Variants in SPTLC2 observed in about 807,000 individuals in gnomAD.
The protein encoded by SPTLC2 is serine palmitoyltransferase 2.
SPTLC2 carries 21 observed loss-of-function variants against 62.0 expected under a neutral mutation model. That is an observed-to-expected ratio of 0.34 (90% CI 0.24 to 0.49). SPTLC2 has a LOEUF of 0.49. Ranked by LOEUF, SPTLC2 falls within the 20% of genes least tolerant of loss-of-function variation. SPTLC2 has a pLI of 0.99. For synonymous variants in SPTLC2, 261 were observed against 261.8 expected (o/e 1.00, Z 0.03); for missense variants, 511 against 713.0 (o/e 0.72, Z 3.23).
chr14:77,526,570 G>A (rs904638804), intron 9 of SPTLC2, among the ~76,000 whole-genome samples: 1 of 152,068 alleles, frequency 6.6e-6, no homozygotes, highest in Non-Finnish European at 1.5e-5. Context: ...CTTCAATATG[G>A]TTTGTTAGAA....
intron 9 of SPTLC2, among the ~76,000 whole-genome samples, chr14:77,543,006 A>G (rs1334623006): frequency 2.0e-5 from 3 of 152,150 alleles, no homozygotes; most frequent in African/African-American, 7.2e-5. Flanking sequence ...AAATCAAGGA[A>G]CTGAGTTTTA....
chr14:77,590,124 G>C (rs182565254), intron 2 of SPTLC2, among the ~76,000 whole-genome samples: 129 of 152,200 alleles, frequency 8.5e-4, no homozygotes, highest in Non-Finnish European at 1.5e-3. Context: ...TATGGGTGTA[G>C]GCCACCACAC....
chr14:77,511,828 C>G lies in SPTLC2; in HGVS notation c.*456G>C, dbSNP rs560247530. Reference sequence around the variant, plus strand: ...AAGGTTGGCCTTGAGACCTCTGAGACCTGGATGGGAAGTAAGTGGAAGGCA... The same window carrying G: ...AAGGTTGGCCTTGAGACCTCTGAGAGCTGGATGGGAAGTAAGTGGAAGGCA... On this transcript the variant is annotated 3_prime_UTR_variant, in exon 12 of 12. Transcript: ENST00000216484. 1 of 208,512 alleles carries G rather than the reference C, an allele frequency of 4.8e-6. No homozygotes were observed. Among genetic ancestry groups the G allele is most frequent in the Admixed American group, 5.3e-5 (1 of 18,950 alleles). 12.9% of individuals were successfully genotyped at this position (208,512 alleles called of 1,614,324 possible). A position where few individuals can be genotyped will look rare whatever the true frequency, so the allele number is the denominator to read the frequency against.
Position 77,523,520 on chromosome 14 carries a change from TC to T in SPTLC2, c.1304-1940del, listed in dbSNP as rs2079394725. On this transcript the variant is annotated intron_variant, in intron 9 of 11. Transcript: ENST00000216484. ...AGAGCTTTAGAGATCTGCTGAAGGG[TC>T]CCTTTGAACTTTGGGAAGGGTACTG... is the stretch of plus-strand genomic sequence containing the variant. Among the ~76,000 whole-genome samples, 3 of 152,150 alleles carry T rather than the reference TC, an allele frequency of 2.0e-5. No homozygotes were observed. The South Asian group carries it at 6.2e-4, about 32-fold the overall frequency.
intron 8 of SPTLC2, chr14:77,555,050 A>G (rs2079575261): frequency 3.9e-6 from 2 of 507,396 alleles, no homozygotes; most frequent in Non-Finnish European, 7.2e-6. Context: ...CTTTCACACA[A>G]GAGGGTATTC....
rs542862809 is a variant in SPTLC2 at position 77,573,880 on chromosome 14, C to T, written c.631+2887G>A. Among the ~76,000 whole-genome samples, 7 of 152,278 alleles carry T rather than the reference C, an allele frequency of 4.6e-5. No homozygotes were observed. In the South Asian group the frequency reaches 8.3e-4, roughly 18 times the overall value. ...CTCCTGACCTCAAGTGATCTGCCCG[C>T]CTTGGCCTCCCAAAGTGCTGAGATG... On this transcript the variant is annotated intron_variant, in intron 4 of 11. Transcript: ENST00000216484.
intron 9 of SPTLC2, among the ~76,000 whole-genome samples, chr14:77,528,532 C>A (rs1244175952): frequency 1.3e-5 from 2 of 151,810 alleles, no homozygotes; most frequent in Admixed American, 6.6e-5. Context: ...CGCCCAGCCC[C>A]CCCTTTTCTT....
intron 11 of SPTLC2, among the ~76,000 whole-genome samples, chr14:77,515,394 T>C (rs2139991278): frequency 6.6e-6 from 1 of 152,242 alleles, no homozygotes; most frequent in South Asian, 2.1e-4. Flanking sequence ...ATCTTAACAA[T>C]ATTAAATCTT....
At chr14:77,524,560 CTA>C (rs1420278094) in intron 9 of SPTLC2, among the ~76,000 whole-genome samples, 2 of 152,118 alleles carry the variant, frequency 1.3e-5, no homozygotes, top group Non-Finnish European at 2.9e-5. Context: ...GTGTGCACAG[CTA>C]TGTTTACTAC....
At chr14:77,552,301 T>G in intron 8 of SPTLC2, 79 bp from the exon 9 acceptor site, 1 of 1,534,400 alleles carries the variant, frequency 6.5e-7, no homozygotes, top group Non-Finnish European at 8.9e-7. Flanking sequence ...TTCTAAGTTC[T>G]AGAGGACTCC....
intron 4 of SPTLC2, among the ~76,000 whole-genome samples, chr14:77,572,036 C>T (rs979432484): frequency 6.6e-6 from 1 of 152,204 alleles, no homozygotes; most frequent in Non-Finnish European, 1.5e-5. Context: ...GATCCACCCA[C>T]CTTGGCCTCC....
chr14:77,609,849 C>T (rs1184515569), intron 1 of SPTLC2, among the ~76,000 whole-genome samples: 1 of 152,146 alleles, frequency 6.6e-6, no homozygotes, highest in Non-Finnish European at 1.5e-5. Context: ...CATGTCCTGC[C>T]AGCCTGGGTA....
chr14:77,512,370 A>G lies in SPTLC2; in HGVS notation c.1603T>C (p.Leu535=), dbSNP rs34017190. The G allele has an allele frequency of 8.3e-5, 134 of 1,614,234 alleles. No individual in the cohort carries two copies. The African/African-American group carries it at 1.7e-3, about 21-fold the overall frequency. ...CGATGACGGGAATACTTCAGCTGCA[A>G]TAGGTCCCCAACTTCATCTATCTCC... ...LKEIDEVGDL[L]QLKYSRHRLV... is the part of the protein sequence containing the mutation. Residue 535 remains leucine (L), a synonymous_variant, in exon 12 of 12, where the codon TTG becomes CTG. Transcript: ENST00000216484.
At chr14:77,542,508 T>A (rs2079506792) in intron 9 of SPTLC2, among the ~76,000 whole-genome samples, 1 of 152,170 alleles carries the variant, frequency 6.6e-6, no homozygotes, top group Non-Finnish European at 1.5e-5. Flanking sequence ...AAGAGTTCAG[T>A]AATTTTCTAA....
chr14:77,578,716 T>C (rs985446797), intron 3 of SPTLC2: 2 of 412,282 alleles, frequency 4.9e-6, no homozygotes, highest in South Asian at 2.2e-5. Flanking sequence ...CGAAACTCCA[T>C]CTCAAAAAAT....
intron 5 of SPTLC2, among the ~76,000 whole-genome samples, chr14:77,566,539 C>T (rs772142042): frequency 1.3e-5 from 2 of 152,194 alleles, no homozygotes; most frequent in Non-Finnish European, 2.9e-5. Context: ...AATCTCGGCT[C>T]ACTGCAAGCT....
At chr14:77,538,333 C>G (rs2079481478) in intron 9 of SPTLC2, among the ~76,000 whole-genome samples, 1 of 152,128 alleles carries the variant, frequency 6.6e-6, no homozygotes. Context: ...TCATGCACAC[C>G]CCATCATAAT....
At chr14:77,595,073 A>C (rs953821861) in intron 2 of SPTLC2, among the ~76,000 whole-genome samples, 6 of 152,132 alleles carry the variant, frequency 3.9e-5, no homozygotes, top group Non-Finnish European at 7.4e-5. Flanking sequence ...AAAACGTATT[A>C]AAAATGTGGG....
chr14:77,521,510 T>G lies in SPTLC2; in HGVS notation c.1375A>C (p.Ile459Leu). Residue 459 changes from isoleucine to leucine, a missense_variant, in exon 10 of 12, where the codon ATC becomes CTC. By Grantham distance (5) the Ile-to-Leu change is conservative. Coordinates refer to ENST00000216484, the MANE Select transcript of SPTLC2 (RefSeq NM_004863.4). ...FRRRLKEMGF[I>L]IYGNEDSPVV... ...GGAGAGTCTTCATTTCCATAGATGA[T>G]GAAGCCCATCTCTTTCAGGCGTCTC... 6.2e-7 allele frequency: 1 copy of G among 1,614,160 alleles called. No individual in the cohort carries two copies. Among genetic ancestry groups the G allele is most frequent in the Non-Finnish European group, 8.5e-7 (1 of 1,179,982 alleles).
Sources: gnomAD v4.1 joint callset for allele counts (sites outside exome capture counted in the v4.1 genomes callset) on GRCh38, gnomAD v4.1.1 for gene constraint, MANE v1.5 for transcripts, NCBI Gene and HGNC (gene_info 2026-07-23, HGNC 2026-07-21) for gene names.